EI24: variants seen among roughly 807,000 people sequenced by gnomAD.
EI24 encodes etoposide-induced protein 2.4 homolog.
EI24 carries 21 observed loss-of-function variants against 48.6 expected under a neutral mutation model. The observed-to-expected ratio is 0.43, with a 90% CI of 0.31 to 0.62. EI24 has a LOEUF of 0.62. EI24 is among the 20% of genes least tolerant of loss of function. The probability of loss-of-function intolerance (pLI) is 0.10; values close to 1 mark genes in which losing one functional copy is unlikely to be tolerated. For synonymous variants in EI24, 114 were observed against 145.5 expected, an observed-to-expected ratio of 0.78 and a Z score of 1.56; for missense variants, 280 against 410.5, an observed-to-expected ratio of 0.68 and a Z score of 2.75.
rs1939050273 is a variant in EI24 at position 125,582,406 on chromosome 11, C to T, written c.846C>T (p.Thr282=). ...LFIISANEAK[T]PGKAYLFQLR... ...TTATCAGCGCCAATGAAGCAAAGACCCCTGGCAAAGCATAGTAAGTATTAG... is the reference window on the plus strand; with the variant it reads ...TTATCAGCGCCAATGAAGCAAAGACTCCTGGCAAAGCATAGTAAGTATTAG... Residue 282 remains threonine, a synonymous_variant, in exon 10 of 11, where the codon ACC becomes ACT. Transcript: ENST00000278903. The T allele has an allele frequency of 6.2e-7, 1 of 1,603,610 alleles. No individual in the cohort carries two copies. Among genetic ancestry groups the T allele is most frequent in the Non-Finnish European group, 8.5e-7 (1 of 1,175,090 alleles).
chr11:125,572,652 T>G, intron 2 of EI24, 83 bp downstream of exon 2: 1 of 1,293,516 alleles, frequency 7.7e-7, no homozygotes, highest in Non-Finnish European at 1.1e-6. Flanking sequence ...TCCTTTAGGG[T>G]TTTTGGAACT....
chr11:125,578,049 GAATAGTC>G (rs1938820552), intron 5 of EI24, 77 bp from the exon 6 acceptor site: 1 of 1,530,180 alleles, frequency 6.5e-7, no homozygotes, highest in South Asian at 1.1e-5. Flanking sequence ...AGGAGACAGA[GAATAGTC>G]ACGAGATGGG....
intron 2 of EI24, among the ~76,000 whole-genome samples, 163 bp from the exon 3 acceptor site, chr11:125,575,100 A>G (rs1250792039): frequency 6.6e-6 from 1 of 151,968 alleles, no homozygotes; most frequent in African/African-American, 2.4e-5. Flanking sequence ...GGTGGTGCAC[A>G]TCTGTACTCA....
chr11:125,576,497 TTA>T (rs1166570287), intron 4 of EI24, among the ~76,000 whole-genome samples, 182 bp downstream of exon 4: 1 of 152,230 alleles, frequency 6.6e-6, no homozygotes, highest in African/African-American at 2.4e-5. Flanking sequence ...GAAAGCACAC[TTA>T]TATGTAAGCA....
chr11:125,584,065 T>C lies in EI24; in HGVS notation c.*382T>C, dbSNP rs1246750456. 4.8e-6 allele frequency: 1 copy of C among 208,328 alleles called. No individual in the cohort carries two copies. The highest frequency in any genetic ancestry group is 9.9e-6 in the Non-Finnish European group (1 of 101,386). The allele number at this position is 208,328 out of a possible 1,614,324, so 12.9% of individuals were successfully genotyped here. A position where few individuals can be genotyped will look rare whatever the true frequency, so the allele number is the denominator to read the frequency against. ...TGAATGGATTTTGTAATTCTAGCTG[T>C]TGTATTTTGTGAATTTGTTAATTTT... On this transcript the variant is annotated 3_prime_UTR_variant, in exon 11 of 11. Transcript: ENST00000278903.
In EI24 at chr11:125,583,562, G is replaced by A. The variant is rs748588966; in HGVS notation, c.902G>A (p.Ser301Asn). 6.2e-7 allele frequency: 1 copy of A among 1,610,148 alleles called. No individual in the cohort carries two copies. Among genetic ancestry groups the A allele is most frequent in the Admixed American group, 1.7e-5 (1 of 59,696 alleles). ...CTCTTCTCCTTGGTGGTCTTCTTAA[G>A]CAACAGACTCTTCCACAAGACAGTC... ...LRLFSLVVFL[S>N]NRLFHKTVYL... The change falls in exon 11 of 11, where the codon AGC (serine) becomes AAC (asparagine). Residue 301 changes from serine to asparagine, a missense_variant. Physicochemically the swap from Ser to Asn is conservative, Grantham distance 46. Around this residue, in one of 3 missense-constraint regions of EI24, gnomAD observed 62 missense variants for 65.1 expected, o/e 0.95. Transcript: ENST00000278903.
rs775605524 is a variant in EI24, at chr11:125,572,505, G to C, written c.-23G>C. ...GGGACACTTCTCTCTCCTGTGTGTA[G>C]TTGATAGTTTGGTGGTGAAGAGATG... is the stretch of plus-strand genomic sequence containing the variant. On this transcript the variant is annotated 5_prime_UTR_variant, in exon 2 of 11. Transcript: ENST00000278903. The C allele has an allele frequency of 6.2e-7, 1 of 1,613,006 alleles. No individual in the cohort carries two copies. The highest frequency in any genetic ancestry group is 2.2e-5 in the East Asian group (1 of 44,868).
intron 7 of EI24, 80 bp from the exon 8 acceptor site, chr11:125,580,009 TCAGA>T (rs925772435): frequency 3.6e-6 from 4 of 1,107,574 alleles, no homozygotes; most frequent in Non-Finnish European, 5.5e-6. Flanking sequence ...GGAAGCTATC[TCAGA>T]CAGTGATTGG....
chr11:125,572,594 T>A (rs1177334272), intron 2 of EI24, 25 bp downstream of exon 2: 13 of 1,605,146 alleles, frequency 8.1e-6, no homozygotes, highest in Non-Finnish European at 1.1e-5. Context: ...TTTATAGGAA[T>A]TCATCTCTCG....
chr11:125,573,718 G>C (rs1449915054), intron 2 of EI24: 1 of 129,054 alleles, frequency 7.7e-6, no homozygotes, highest in Admixed American at 9.9e-5. Context: ...GTCTCACTGT[G>C]TCGCCCAGGC....
At chr11:125,572,679 G>T in intron 2 of EI24, 110 bp downstream of exon 2, 1 of 1,026,912 alleles carries the variant, frequency 9.7e-7, no homozygotes, top group Non-Finnish European at 1.5e-6. Flanking sequence ...ATATTTCTTG[G>T]GTTCTTTACA....
At chr11:125,575,043 T>C (rs1338616882) in intron 2 of EI24, among the ~76,000 whole-genome samples, 1 of 151,760 alleles carries the variant, frequency 6.6e-6, no homozygotes, top group African/African-American at 2.4e-5. Context: ...CTGATCAACA[T>C]GGTGAGATCC....
At chr11:125,583,117 T>G (rs762594478) in intron 10 of EI24, among the ~76,000 whole-genome samples, 1 of 152,238 alleles carries the variant, frequency 6.6e-6, no homozygotes, top group Non-Finnish European at 1.5e-5. Context: ...CTTTTTTTTT[T>G]TGAGACGGAG....
chr11:125,571,120 C>A (rs1938519650), intron 1 of EI24, among the ~76,000 whole-genome samples: 1 of 152,126 alleles, frequency 6.6e-6, no homozygotes. Flanking sequence ...TGGCATTAGT[C>A]CAGTTGGGTC....
At chr11:125,581,663 C>T (rs1354360141) in intron 9 of EI24, among the ~76,000 whole-genome samples, 2 of 149,558 alleles carry the variant, frequency 1.3e-5, no homozygotes, top group African/African-American at 4.9e-5. Flanking sequence ...TCTCCTGCCT[C>T]AGCCTCCCAA....
chr11:125,577,699 ATTC>A, intron 5 of EI24, 129 bp downstream of exon 5: 1 of 800,150 alleles, frequency 1.2e-6, no homozygotes. Flanking sequence ...TTGTTGTTTT[ATTC>A]TTTTTAAAAA....
intron 3 of EI24, among the ~76,000 whole-genome samples, 169 bp from the exon 4 acceptor site, chr11:125,576,086 G>A (rs1394660364): frequency 1.3e-5 from 2 of 152,096 alleles, no homozygotes; most frequent in Non-Finnish European, 2.9e-5. Flanking sequence ...CACTGCGCTT[G>A]ACCATTTTTT....
intron 9 of EI24, among the ~76,000 whole-genome samples, 154 bp from the exon 10 acceptor site, chr11:125,582,192 C>A (rs1432223220): frequency 1.3e-5 from 2 of 151,286 alleles, no homozygotes; most frequent in East Asian, 3.9e-4. Flanking sequence ...GAACGCGACT[C>A]CATCTCAAAA....
chr11:125,577,512 CCTCTT>C lies in EI24; in HGVS notation c.259_263del (p.Leu87ValfsTer19). The C allele has an allele frequency of 6.2e-7, 1 of 1,613,700 alleles. No individual in the cohort carries two copies. The highest frequency in any genetic ancestry group is 8.5e-7 in the Non-Finnish European group (1 of 1,179,790). On this transcript the variant is annotated frameshift_variant, in exon 5 of 11. Transcript: ENST00000278903. LOFTEE classifies it high-confidence loss of function. ...TTGCTTCTTTTCTTTAGTTCAGTCT[CCTCTT>C]GTTTTATCGAGTATTTATTCCTGTG...
Sources: gnomAD v4.1 joint callset for allele counts (sites outside exome capture counted in the v4.1 genomes callset) on GRCh38, gnomAD v4.1.1 for gene constraint, gnomAD v4.1.1 regional missense constraint, MANE v1.5 for transcripts, NCBI Gene and HGNC (gene_info 2026-07-23, HGNC 2026-07-21) for gene names.